Variants in SVOP observed in about 807,000 individuals in gnomAD.
SVOP encodes synaptic vesicle 2-related protein.
SVOP carries 17 observed loss-of-function variants against 69.1 expected under a neutral mutation model. The ratio of observed to expected loss-of-function variants is 0.25; its 90% CI spans 0.17 to 0.37. SVOP has a LOEUF of 0.37. SVOP is among the 10% of genes least tolerant of loss of function. The probability of loss-of-function intolerance (pLI) is 1.00; values close to 1 mark genes in which losing one functional copy is unlikely to be tolerated. For synonymous variants in SVOP, 238 were observed against 238.6 expected (o/e 1.00, Z 0.02); for missense variants, 435 against 597.5 (o/e 0.73, Z 2.84).
chr12:108,921,434 G>A, intron 12 of SVOP, among the ~76,000 whole-genome samples: 1 of 152,080 alleles, frequency 6.6e-6, no homozygotes, highest in East Asian at 1.9e-4. Context: ...TCCAAGAAAG[G>A]ACCAGCAGGA....
At chr12:108,925,773 T>A (rs2039776604) in intron 11 of SVOP, among the ~76,000 whole-genome samples, 1 of 152,174 alleles carries the variant, frequency 6.6e-6, no homozygotes, top group South Asian at 2.1e-4. Flanking sequence ...CTGATCTCTC[T>A]TCCTGAATTG....
rs369217067 is a variant in SVOP at position 109,008,960 on chromosome 12, C to A, written c.35+11874G>T. On this transcript the variant is annotated intron_variant, in intron 1 of 15. Coordinates refer to ENST00000610966, the MANE Select transcript of SVOP (RefSeq NM_018711.5). The stretch of plus-strand genomic sequence containing the variant: ...TTGTAACTTTTTTTTTCTTTTCTTT[C>A]TTTTTTTTTTTTTTTTTTTGAGATG... 2.7e-4 allele frequency among the ~76,000 whole-genome samples: 31 copies of A among 112,730 alleles called. No individual in the cohort carries two copies. The South Asian group carries it at 8.6e-3, about 31-fold the overall frequency. The allele number at this position is 112,730 out of a possible 152,430, so 74.0% of individuals were successfully genotyped here.
chr12:108,968,935 A>C (rs1451261418), intron 5 of SVOP, among the ~76,000 whole-genome samples: 1 of 152,138 alleles, frequency 6.6e-6, no homozygotes, highest in Non-Finnish European at 1.5e-5. Context: ...CTGGCACTAC[A>C]GGTGCATGCC....
chr12:108,948,446 A>G (rs2039936653), intron 6 of SVOP, among the ~76,000 whole-genome samples: 1 of 152,200 alleles, frequency 6.6e-6, no homozygotes, highest in Admixed American at 6.5e-5. Flanking sequence ...CCATTTTCAT[A>G]TCTACATCTA....
chr12:109,006,502 G>T (rs935139995), intron 1 of SVOP, among the ~76,000 whole-genome samples: 1 of 152,198 alleles, frequency 6.6e-6, no homozygotes, highest in Non-Finnish European at 1.5e-5. Context: ...GGCACACATG[G>T]CAGCCCCAGG....
intron 1 of SVOP, among the ~76,000 whole-genome samples, chr12:108,997,102 G>A (rs1344060248): frequency 9.5e-4 from 144 of 152,188 alleles, no homozygotes; most frequent in Admixed American, 1.6e-3. Flanking sequence ...CAGTGGGTGC[G>A]TGCACCGTGC....
chr12:109,017,870 T>C (rs912681913), intron 1 of SVOP, among the ~76,000 whole-genome samples: 1 of 151,934 alleles, frequency 6.6e-6, no homozygotes, highest in Non-Finnish European at 1.5e-5. Flanking sequence ...ATATTATATA[T>C]ACATTTTATA....
intron 1 of SVOP, among the ~76,000 whole-genome samples, chr12:108,988,753 T>TTC (rs368069594): frequency 0.89 from 127,323 of 142,884 alleles, 57,886 homozygotes; most frequent in Non-Finnish European, 0.99. Flanking sequence ...TTTCTTCCTT[T>TTC]CTTACTTCTT....
chr12:109,014,508 A>G (rs2040358232), intron 1 of SVOP, among the ~76,000 whole-genome samples: 1 of 152,182 alleles, frequency 6.6e-6, no homozygotes, highest in South Asian at 2.1e-4. Flanking sequence ...ACATAGAAGT[A>G]CGAATATCTC....
At chr12:109,003,107 T>C (rs1371025113) in intron 1 of SVOP, among the ~76,000 whole-genome samples, 1 of 152,258 alleles carries the variant, frequency 6.6e-6, no homozygotes, top group African/African-American at 2.4e-5. Context: ...TTTGTTTGCA[T>C]GCTACAGTCT....
intron 5 of SVOP, among the ~76,000 whole-genome samples, chr12:108,963,293 G>A (rs909704519): frequency 6.6e-6 from 1 of 152,124 alleles, no homozygotes; most frequent in African/African-American, 2.4e-5. Flanking sequence ...GGAGATGAGT[G>A]AGGAAATTTG....
Position 109,017,630 on chromosome 12 carries a change from A to G in SVOP, c.35+3204T>C, listed in dbSNP as rs530267751. Among the ~76,000 whole-genome samples, 4 of 152,040 alleles carry G rather than the reference A, an allele frequency of 2.6e-5. No homozygotes were observed. In the South Asian group the frequency reaches 8.3e-4, roughly 32 times the overall value. On this transcript the variant is annotated intron_variant, in intron 1 of 15. Transcript: ENST00000610966. ...AGTGGCACAATCTTTGCTCACCGCA[A>G]CCTCTGCCTCCCAGGTTCAAGAGAT... is the stretch of plus-strand genomic sequence containing the variant.
chr12:108,958,826 G>C (rs950379674), intron 6 of SVOP, among the ~76,000 whole-genome samples: 3 of 152,020 alleles, frequency 2.0e-5, no homozygotes, highest in African/African-American at 7.2e-5. Flanking sequence ...AGGGTAAAAA[G>C]GCCTAGCCCC....
At position 108,988,179 on chromosome 12, in the gene SVOP, C is replaced by T. The variant is rs1375134597; in HGVS notation, c.36-4418G>A. On this transcript the variant is annotated intron_variant, in intron 1 of 15. Coordinates refer to ENST00000610966, the MANE Select transcript of SVOP (RefSeq NM_018711.5). ...AGCTAAAGCGATCTACCCACCTTGG[C>T]CTCCCAAAGTGCTGGGATTACAGGT... 3.3e-5 allele frequency among the ~76,000 whole-genome samples: 5 copies of T among 152,112 alleles called. No individual in the cohort carries two copies. The South Asian group carries it at 6.2e-4, about 19-fold the overall frequency.
At chr12:108,931,881 G>T (rs184182882) in intron 11 of SVOP, among the ~76,000 whole-genome samples, 1 of 152,090 alleles carries the variant, frequency 6.6e-6, no homozygotes, top group Admixed American at 6.5e-5. Context: ...ATGTGGCCGT[G>T]GTGGAGAGCC....
At chr12:108,988,591 T>G (rs1294754444) in intron 1 of SVOP, among the ~76,000 whole-genome samples, 1 of 152,182 alleles carries the variant, frequency 6.6e-6, no homozygotes. Flanking sequence ...GATCTGTATG[T>G]CTATCCTTAA....
chr12:108,989,321 C>T (rs565937172), intron 1 of SVOP, among the ~76,000 whole-genome samples: 7 of 152,282 alleles, frequency 4.6e-5, no homozygotes, highest in Admixed American at 3.9e-4. Flanking sequence ...GCCATCCTCC[C>T]GCCTTGGCCT....
At chr12:108,975,743 C>T (rs1055964793) in intron 4 of SVOP, among the ~76,000 whole-genome samples, 1 of 152,070 alleles carries the variant, frequency 6.6e-6, no homozygotes, top group Non-Finnish European at 1.5e-5. Flanking sequence ...ACTCTGTCAC[C>T]CAGGCTGGAA....
chr12:108,991,612 C>G (rs1490830565), intron 1 of SVOP, among the ~76,000 whole-genome samples: 1 of 151,952 alleles, frequency 6.6e-6, no homozygotes. Context: ...TGTGCCACCA[C>G]GCCTGGCTAA....
Sources: allele counts gnomAD v4.1 joint callset (sites outside exome capture counted in the v4.1 genomes callset), GRCh38; gene constraint gnomAD v4.1.1; transcripts MANE v1.5; gene names NCBI Gene and HGNC (gene_info 2026-07-23, HGNC 2026-07-21).